BACH2: variants seen among roughly 807,000 people sequenced by gnomAD.
BACH2 encodes BACH transcriptional regulator 2, also known as transcription regulator protein BACH2.
A neutral mutation model predicts 61.8 loss-of-function variants in BACH2; 5 were observed. The observed-to-expected ratio is 0.08, with a 90% CI of 0.04 to 0.17. The LOEUF is 0.17. Among genes scored for constraint, BACH2 ranks in the 10% least tolerant of loss-of-function variants. BACH2 has a pLI of 1.00. For missense variants in BACH2, 824 were observed against 1,091.1 expected, an observed-to-expected ratio of 0.76 and a Z score of 3.45; for synonymous variants, 446 against 440.1, an observed-to-expected ratio of 1.01 and a Z score of -0.17.
At chr6:90,287,052 G>A (rs1168594030) in intron 1 of BACH2, among the ~76,000 whole-genome samples, 1 of 152,160 alleles carries the variant, frequency 6.6e-6, no homozygotes, top group Non-Finnish European at 1.5e-5. Context: ...TGACAGTGAA[G>A]TCCTGCAAGA....
chr6:90,054,817 A>G (rs1780244685), intron 5 of BACH2, among the ~76,000 whole-genome samples: 1 of 152,174 alleles, frequency 6.6e-6, no homozygotes, highest in African/African-American at 2.4e-5. Flanking sequence ...TGGTTCACCA[A>G]TATCTGCTGT....
chr6:90,189,383 T>C (rs966267046), intron 4 of BACH2, among the ~76,000 whole-genome samples: 1 of 149,622 alleles, frequency 6.7e-6, no homozygotes, highest in African/African-American at 2.5e-5. Context: ...CCGAGGCGGG[T>C]GGATCATGAG....
intron 2 of BACH2, among the ~76,000 whole-genome samples, chr6:90,259,098 C>T (rs1392946674): frequency 1.3e-5 from 2 of 152,132 alleles, no homozygotes; most frequent in Non-Finnish European, 2.9e-5. Flanking sequence ...ACTTCCAGTA[C>T]TATGTTGAAT....
chr6:90,157,992 C>T (rs563505455), intron 4 of BACH2, among the ~76,000 whole-genome samples: 51 of 152,212 alleles, frequency 3.4e-4, no homozygotes, highest in African/African-American at 7.2e-4. Flanking sequence ...TATGTGGTGT[C>T]ATGAGAGCGT....
chr6:90,030,971 A>C (rs9451319), intron 5 of BACH2, among the ~76,000 whole-genome samples: 8,472 of 81,358 alleles, frequency 0.1, 1,653 homozygotes, highest in African/African-American at 0.34. Flanking sequence ...TACTGGCAAA[A>C]CAAATCCAGC....
At chr6:89,961,934 T>C (rs569271781) in intron 6 of BACH2, among the ~76,000 whole-genome samples, 3 of 152,356 alleles carry the variant, frequency 2.0e-5, no homozygotes, top group Admixed American at 6.5e-5. Context: ...CCAGTATCTA[T>C]TGATAAGCCA....
intron 1 of BACH2, among the ~76,000 whole-genome samples, chr6:90,280,631 G>A (rs1771831018): frequency 6.6e-6 from 1 of 152,170 alleles, no homozygotes; most frequent in Non-Finnish European, 1.5e-5. Context: ...GGGGCACCTT[G>A]AGAAAGTGCA....
intron 6 of BACH2, among the ~76,000 whole-genome samples, chr6:89,958,228 G>C (rs753065282): frequency 1.3e-4 from 20 of 152,154 alleles, no homozygotes; most frequent in African/African-American, 4.8e-5. Flanking sequence ...CCATTTTCCT[G>C]CCTCAGCCTC....
chr6:90,180,020 AT>A (rs1768105480), intron 4 of BACH2, among the ~76,000 whole-genome samples: 1 of 152,218 alleles, frequency 6.6e-6, no homozygotes, highest in Non-Finnish European at 1.5e-5. Flanking sequence ...TATCAATTGA[AT>A]GAAGAGATTT....
chr6:90,225,042 G>A (rs1367540300), intron 3 of BACH2, among the ~76,000 whole-genome samples: 3 of 151,946 alleles, frequency 2.0e-5, no homozygotes, highest in Non-Finnish European at 4.4e-5. Context: ...ACGAGGCACT[G>A]TTCTAGAGGC....
intron 2 of BACH2, among the ~76,000 whole-genome samples, chr6:90,265,650 T>C (rs1771300632): frequency 6.6e-6 from 1 of 152,186 alleles, no homozygotes; most frequent in Admixed American, 6.5e-5. Context: ...TTGTAATCAA[T>C]TGGATGGCAT....
rs574689615 is a variant in BACH2 at position 90,155,061 on chromosome 6, T to G, written c.-162+51508A>C. On this transcript the variant is annotated intron_variant, in intron 4 of 8. Transcript: ENST00000257749. ...AAATCCAATGCTATTTGAGGCGGAG[T>G]GTCTGCGATCTGTAATTTATATGGA... 3.3e-5 allele frequency among the ~76,000 whole-genome samples: 5 copies of G among 152,072 alleles called. No individual in the cohort carries two copies. In the South Asian group the frequency reaches 1.0e-3, roughly 32 times the overall value.
intron 5 of BACH2, among the ~76,000 whole-genome samples, chr6:90,057,202 T>C (rs1780407098): frequency 6.6e-6 from 1 of 151,564 alleles, no homozygotes; most frequent in Non-Finnish European, 1.5e-5. Context: ...TTTGAAAAGA[T>C]CAACAACATT....
chr6:90,111,184 T>C (rs1783152759), intron 4 of BACH2, among the ~76,000 whole-genome samples: 1 of 152,174 alleles, frequency 6.6e-6, no homozygotes. Context: ...TGATAAGATC[T>C]TGCGGGCCCC....
chr6:90,171,375 T>C (rs1421534257), intron 4 of BACH2, among the ~76,000 whole-genome samples: 3 of 151,276 alleles, frequency 2.0e-5, no homozygotes, highest in Non-Finnish European at 4.4e-5. Context: ...ATCTCACCAC[T>C]GCACTCCAGC....
intron 3 of BACH2, among the ~76,000 whole-genome samples, chr6:90,250,149 G>T (rs1770759950): frequency 6.6e-6 from 1 of 152,158 alleles, no homozygotes; most frequent in Non-Finnish European, 1.5e-5. Flanking sequence ...ATTCATATAT[G>T]CCTTAAGGAA....
chr6:90,233,739 T>G (rs910842171), intron 3 of BACH2, among the ~76,000 whole-genome samples: 1 of 152,168 alleles, frequency 6.6e-6, no homozygotes, highest in Non-Finnish European at 1.5e-5. Flanking sequence ...TGGTGGCCAG[T>G]GTAAATCCTA....
chr6:90,075,498 T>C (rs938778006), intron 5 of BACH2, among the ~76,000 whole-genome samples: 2 of 152,126 alleles, frequency 1.3e-5, no homozygotes, highest in African/African-American at 4.8e-5. Context: ...TCCAAGTGTG[T>C]TGGCTTTACT....
At chr6:90,130,059 C>T (rs759049886) in intron 4 of BACH2, among the ~76,000 whole-genome samples, 16 of 151,988 alleles carry the variant, frequency 1.1e-4, no homozygotes, top group Admixed American at 1.3e-4. Flanking sequence ...TTAGTAGAGA[C>T]GGGGTTTCAC....
Sources: allele counts gnomAD v4.1 joint callset (sites outside exome capture counted in the v4.1 genomes callset), GRCh38; gene constraint gnomAD v4.1.1; transcripts MANE v1.5; gene names NCBI Gene and HGNC (gene_info 2026-07-23, HGNC 2026-07-21).